Variants in SYBU observed in about 807,000 individuals in gnomAD.
The protein encoded by SYBU is syntabulin.
SYBU carries 21 observed loss-of-function variants against 35.9 expected under a neutral mutation model. That is an observed-to-expected ratio of 0.58 (90% CI 0.41 to 0.84). The LOEUF is 0.84. Among genes scored for constraint, SYBU ranks in the 40% least tolerant of loss-of-function variants. The pLI is 0.00. For synonymous variants in SYBU, 319 were observed against 324.3 expected, an observed-to-expected ratio of 0.98 and a Z score of 0.18; for missense variants, 768 against 848.2, an observed-to-expected ratio of 0.91 and a Z score of 1.17.
At chr8:109,622,174 AAT>A (rs1812471288) in intron 2 of SYBU, among the ~76,000 whole-genome samples, 1 of 147,294 alleles carries the variant, frequency 6.8e-6, no homozygotes, top group Non-Finnish European at 1.5e-5. Flanking sequence ...ACAATAAAAT[AAT>A]ATGAGTATCT....
chr8:109,618,629 C>T (rs73317077), intron 3 of SYBU, among the ~76,000 whole-genome samples: 4,827 of 152,226 alleles, frequency 0.032, 264 homozygotes, highest in African/African-American at 0.11. Flanking sequence ...ATAATGAATA[C>T]ACATGTCACT....
At chr8:109,642,655 G>T in intron 2 of SYBU, 73 bp downstream of exon 2, 1 of 1,027,690 alleles carries the variant, frequency 9.7e-7, no homozygotes, top group Non-Finnish European at 1.4e-6. Context: ...AAGGGACCCA[G>T]TATGGGCCCA....
intron 3 of SYBU, among the ~76,000 whole-genome samples, chr8:109,595,795 AC>A (rs1824802057): frequency 6.6e-6 from 1 of 152,234 alleles, no homozygotes; most frequent in South Asian, 2.1e-4. Context: ...AATAAAGGGA[AC>A]TTGGAGGCAG....
chr8:109,647,652 T>TC (rs1815843672), upstream of SYBU: 1 of 152,226 alleles, frequency 6.6e-6, no homozygotes, highest in Non-Finnish European at 1.5e-5. Context: ...AAGGGGCCCA[T>TC]CAGTGCAAGA....
intron 4 of SYBU, 31 bp downstream of exon 4, chr8:109,586,029 T>C: frequency 6.5e-7 from 1 of 1,543,388 alleles, no homozygotes; most frequent in East Asian, 2.3e-5. Flanking sequence ...GTGTAAAGCG[T>C]CTTAATTACA....
chr8:109,597,584 A>G (rs895080290), intron 3 of SYBU, among the ~76,000 whole-genome samples: 15 of 151,830 alleles, frequency 9.9e-5, no homozygotes, highest in Non-Finnish European at 2.1e-4. Context: ...GCATGGTGGC[A>G]TGCGCTTATA....
intron 1 of SYBU, chr8:109,680,093 G>A (rs897323422): frequency 3.3e-5 from 5 of 152,160 alleles, no homozygotes; most frequent in Non-Finnish European, 5.9e-5. Context: ...TACTACAGAC[G>A]TATTCAATTT....
chr8:109,586,224 G>C, intron 3 of SYBU, 62 bp from the exon 4 acceptor site: 4 of 1,266,612 alleles, frequency 3.2e-6, no homozygotes, highest in South Asian at 1.3e-5. Flanking sequence ...ACATTGGCCA[G>C]TTCCCTGCCT....
intron 3 of SYBU, among the ~76,000 whole-genome samples, chr8:109,592,875 C>A (rs550816369): frequency 1.3e-5 from 2 of 152,254 alleles, no homozygotes; most frequent in South Asian, 4.2e-4. Context: ...TGAGCACCTG[C>A]CATGTGTCAA....
intron 3 of SYBU, among the ~76,000 whole-genome samples, chr8:109,612,378 C>A (rs1278369459): frequency 6.6e-6 from 1 of 152,192 alleles, no homozygotes. Context: ...AAATAGCTTA[C>A]AGCCTGTATT....
chr8:109,585,968 G>A (rs1823564904), intron 4 of SYBU, 92 bp downstream of exon 4: 6 of 788,764 alleles, frequency 7.6e-6, no homozygotes, highest in Non-Finnish European at 1.2e-5. Context: ...AAATATGAAC[G>A]GACAGTAATC....
At chr8:109,655,441 G>A (rs1414207064) in intron 1 of SYBU, among the ~76,000 whole-genome samples, 1 of 152,216 alleles carries the variant, frequency 6.6e-6, no homozygotes, top group African/African-American at 2.4e-5. Context: ...CAATTCAAAA[G>A]AATTTTTAAG....
intron 1 of SYBU, among the ~76,000 whole-genome samples, chr8:109,653,448 ATGG>A (rs1816231651): frequency 6.6e-6 from 1 of 151,992 alleles, no homozygotes; most frequent in South Asian, 2.1e-4. Flanking sequence ...TCTGTCTCCC[ATGG>A]TGGATTCAAT....
chr8:109,588,642 C>G (rs1236231407), intron 3 of SYBU, among the ~76,000 whole-genome samples: 1 of 152,144 alleles, frequency 6.6e-6, no homozygotes, highest in Non-Finnish European at 1.5e-5. Flanking sequence ...AATACATCAT[C>G]TGATATACTT....
At chr8:109,591,559 G>T (rs866282610) in intron 3 of SYBU, among the ~76,000 whole-genome samples, 26 of 130,612 alleles carry the variant, frequency 2.0e-4, no homozygotes, top group Admixed American at 1.7e-4. Context: ...TGGCCCAGGT[G>T]GGAGTGCAGT....
At chr8:109,626,335 T>C (rs1050089924) in intron 2 of SYBU, among the ~76,000 whole-genome samples, 3 of 152,224 alleles carry the variant, frequency 2.0e-5, no homozygotes, top group East Asian at 1.9e-4. Flanking sequence ...TGCCTGTACT[T>C]TCTCCTAGAT....
At chr8:109,672,334 C>T (rs1306105847) in intron 1 of SYBU, among the ~76,000 whole-genome samples, 3 of 152,176 alleles carry the variant, frequency 2.0e-5, no homozygotes, top group African/African-American at 7.2e-5. Flanking sequence ...AGGTACCCAG[C>T]TCATCTCATT....
chr8:109,640,811 T>C (rs1232190617), intron 2 of SYBU, among the ~76,000 whole-genome samples: 1 of 127,576 alleles, frequency 7.8e-6, no homozygotes, highest in African/African-American at 3.2e-5. Flanking sequence ...TAGCAAAAAA[T>C]TAGTTAGCAA....
At chr8:109,607,273 A>G (rs1265428150) in intron 3 of SYBU, among the ~76,000 whole-genome samples, 1 of 152,210 alleles carries the variant, frequency 6.6e-6, no homozygotes, top group African/African-American at 2.4e-5. Context: ...CCACATCCCA[A>G]TTCCATGAAC....
Sources: allele counts gnomAD v4.1 joint callset (sites outside exome capture counted in the v4.1 genomes callset), GRCh38; gene constraint gnomAD v4.1.1; transcripts MANE v1.5; gene names NCBI Gene and HGNC (gene_info 2026-07-23, HGNC 2026-07-21).